The following WWC2 variants were observed in gnomAD, a reference collection of about 807,000 sequenced individuals.
WWC2 encodes the protein protein WWC2.
WWC2 carries 101 observed loss-of-function variants against 138.5 expected under a neutral mutation model. The ratio of observed to expected loss-of-function variants is 0.73; its 90% CI spans 0.62 to 0.86. WWC2 has a LOEUF of 0.86. Among genes scored for constraint, WWC2 ranks in the 40% least tolerant of loss-of-function variants. The probability of loss-of-function intolerance (pLI) is 0.00; values close to 1 mark genes in which losing one functional copy is unlikely to be tolerated. For missense variants in WWC2, 1,420 were observed against 1,419.4 expected, an observed-to-expected ratio of 1.00 and a Z score of -0.01; for synonymous variants, 558 against 538.4, an observed-to-expected ratio of 1.04 and a Z score of -0.50.
chr4:183,246,673 C>T (rs1307960092), intron 6 of WWC2, among the ~76,000 whole-genome samples: 3 of 152,174 alleles, frequency 2.0e-5, no homozygotes, highest in East Asian at 3.8e-4. Context: ...GAAATTTCAG[C>T]ACAGAAAAAT....
In WWC2 at chr4:183,207,959, C is replaced by T. The variant is rs780740914; in HGVS notation, c.248C>T (p.Thr83Met). Residue 83 changes from threonine to methionine, a missense_variant, in exon 3 of 23, where the codon ACG becomes ATG. Physicochemically the swap from Thr to Met is moderately conservative, Grantham distance 81. Coordinates refer to ENST00000403733, the MANE Select transcript of WWC2 (RefSeq NM_024949.6). ...VYYIDHINKT[T>M]QIEDPRKQWR... ...CTCCACCTAATGTTTTCAGAAACCA[C>T]GCAGATAGAAGATCCAAGAAAACAA... 16 of 1,606,896 alleles carry T rather than the reference C, an allele frequency of 1.0e-5. 1 individual carries two copies. In the South Asian group the frequency reaches 1.1e-4, roughly 11 times the overall value.
chr4:183,311,801 TCTC>T (rs1739254467), intron 21 of WWC2, among the ~76,000 whole-genome samples: 2 of 151,938 alleles, frequency 1.3e-5, no homozygotes, highest in African/African-American at 2.4e-5. Flanking sequence ...ATGGTCTCGA[TCTC>T]CTGACCTCGT....
At chr4:183,270,461 A>G (rs186105273) in intron 15 of WWC2, among the ~76,000 whole-genome samples, 4 of 151,972 alleles carry the variant, frequency 2.6e-5, no homozygotes, top group Non-Finnish European at 4.4e-5. Context: ...CCTTTACAGC[A>G]TATTATAAGA....
chr4:183,130,056 CT>C lies in WWC2; in HGVS notation c.131+30450del, dbSNP rs534398108. ...AACACTCTTCTTTATTCCTAAGTATCTTTTTTTTTTTTTTTTGAGACAGTCT... is the reference window on the plus strand; with the variant it reads ...AACACTCTTCTTTATTCCTAAGTATCTTTTTTTTTTTTTTTGAGACAGTCT... On this transcript the variant is annotated intron_variant, in intron 1 of 22. Transcript: ENST00000403733. Among the ~76,000 whole-genome samples, 842 of 139,678 alleles carry C rather than the reference CT, an allele frequency of 6.0e-3. 2 individuals are homozygous for C. The highest frequency in any genetic ancestry group is 0.015 in the African/African-American group (565 of 38,190). 91.6% of individuals were successfully genotyped at this position (139,678 alleles called of 152,430 possible).
In WWC2 at chr4:183,247,777, ATATATATAT is replaced by A. The variant is rs1356119236; in HGVS notation, c.733-927_733-919del. 2.1e-4 allele frequency among the ~76,000 whole-genome samples: 30 copies of A among 141,048 alleles called. No homozygotes were observed. The South Asian group carries it at 4.7e-3, about 22-fold the overall frequency. The allele number at this position is 141,048 out of a possible 152,430, so 92.5% of individuals were successfully genotyped here. A position where few individuals can be genotyped will look rare whatever the true frequency, so the allele number is the denominator to read the frequency against. ...ATAATATATATATAATATATATACT[ATATATATAT>A]TATATATATAGTATATAGTATATAT... On this transcript the variant is annotated intron_variant, in intron 6 of 22. Transcript: ENST00000403733.
Position 183,286,058 on chromosome 4 carries a change from G to A in WWC2, c.3140G>A (p.Arg1047Lys), listed in dbSNP as rs1345831685. Residue 1047 changes from arginine (R) to lysine (K), a missense_variant and splice_region_variant, in exon 20 of 23, where the codon AGG (arginine) becomes AAG (lysine). Arg to Lys is a conservative substitution (Grantham distance 26, BLOSUM62 2). Coordinates refer to ENST00000403733, the MANE Select transcript of WWC2 (RefSeq NM_024949.6). ...GAACGCCGCAGTTTGAGGGTCAAAA[G>A]GGTATGTATTCCCTCAGCCACGTCC... ...STERRSLRVK[R>K]TVCQSVLRRT... is the part of the protein sequence containing the mutation. 4 of 1,570,656 alleles carry A rather than the reference G, an allele frequency of 2.5e-6. No homozygotes were observed. The highest frequency in any genetic ancestry group is 3.5e-6 in the Non-Finnish European group (4 of 1,156,392).
At chr4:183,256,916 G>A (rs534694182) in intron 9 of WWC2, among the ~76,000 whole-genome samples, 59 of 105,806 alleles carry the variant, frequency 5.6e-4, no homozygotes, top group African/African-American at 2.1e-3. Flanking sequence ...CTCTGTTCCT[G>A]CCCCCACAGG....
chr4:183,284,775 G>C (rs913816822), intron 19 of WWC2, among the ~76,000 whole-genome samples: 3 of 152,036 alleles, frequency 2.0e-5, no homozygotes, highest in Non-Finnish European at 4.4e-5. Context: ...TTGTCTTGTT[G>C]AACTGAGAAC....
chr4:183,152,882 C>CA lies in WWC2; in HGVS notation c.132-40708dup, dbSNP rs1370339852. ...TGGGTGACAGAGTGAGACTCTGTCT[C>CA]AAAAAAAAATAAAAAATAAATAAAA... On this transcript the variant is annotated intron_variant, in intron 1 of 22. Transcript: ENST00000403733. Among the ~76,000 whole-genome samples the CA allele has an allele frequency of 3.7e-4, 55 of 148,686 alleles. 1 individual carries two copies. The highest frequency in any genetic ancestry group is 1.7e-3 in the Admixed American group (26 of 14,924).
At chr4:183,313,683 G>A (rs767556905) in intron 22 of WWC2, among the ~76,000 whole-genome samples, 29 of 151,750 alleles carry the variant, frequency 1.9e-4, no homozygotes, top group Non-Finnish European at 3.4e-4. Context: ...CCCAGAAAAT[G>A]TGAGGTGACT....
At chr4:183,286,236 G>A (rs964666554) in intron 20 of WWC2, among the ~76,000 whole-genome samples, 177 bp downstream of exon 20, 1 of 152,120 alleles carries the variant, frequency 6.6e-6, no homozygotes, top group Non-Finnish European at 1.5e-5. Flanking sequence ...GAGATGGGGG[G>A]GTGTGAGGGC....
chr4:183,275,669 A>G (rs181442435), intron 16 of WWC2, among the ~76,000 whole-genome samples: 24 of 152,206 alleles, frequency 1.6e-4, no homozygotes, highest in African/African-American at 5.8e-4. Context: ...GTCATAGTGT[A>G]GATCCTTTGT....
chr4:183,191,394 A>G (rs916646945), intron 1 of WWC2, among the ~76,000 whole-genome samples: 4 of 152,152 alleles, frequency 2.6e-5, no homozygotes, highest in African/African-American at 9.7e-5. Flanking sequence ...CTCATCTAAC[A>G]TATATTGAAG....
At chr4:183,203,427 C>A (rs1197260175) in intron 2 of WWC2, 2 of 151,936 alleles carry the variant, frequency 1.3e-5, no homozygotes, top group Non-Finnish European at 2.9e-5. Context: ...CCTCCTCATC[C>A]CCTTCTAGTA....
At chr4:183,194,184 C>G (rs985468311) in intron 2 of WWC2, among the ~76,000 whole-genome samples, 3 of 152,160 alleles carry the variant, frequency 2.0e-5, no homozygotes, top group Non-Finnish European at 4.4e-5. Flanking sequence ...TAAACCTCTT[C>G]CTTTTTTCTG....
At chr4:183,309,142 C>T (rs562302913) in intron 21 of WWC2, among the ~76,000 whole-genome samples, 1 of 152,146 alleles carries the variant, frequency 6.6e-6, no homozygotes, top group East Asian at 1.9e-4. Context: ...CTAGAAGTTA[C>T]CCTAGGAGAA....
intron 9 of WWC2, among the ~76,000 whole-genome samples, chr4:183,256,219 T>C (rs78406519): frequency 6.2e-4 from 94 of 152,308 alleles, no homozygotes; most frequent in African/African-American, 2.2e-3. Context: ...CATACTTACA[T>C]TGCCATCAAA....
intron 21 of WWC2, among the ~76,000 whole-genome samples, chr4:183,303,709 T>A (rs1319824869): frequency 6.6e-6 from 1 of 152,218 alleles, no homozygotes; most frequent in East Asian, 1.9e-4. Flanking sequence ...CAGGGAAGCT[T>A]TATTCAGTAT....
At chr4:183,280,695 G>A (rs1223733511) in intron 16 of WWC2, 81 bp from the exon 17 acceptor site, 1 of 1,418,644 alleles carries the variant, frequency 7.0e-7, no homozygotes, top group African/African-American at 1.4e-5. Context: ...ACAGATAGAA[G>A]TGTAAATTCC....
Sources: gnomAD v4.1 joint callset for allele counts (sites outside exome capture counted in the v4.1 genomes callset) on GRCh38, gnomAD v4.1.1 for gene constraint, MANE v1.5 for transcripts, NCBI Gene and HGNC (gene_info 2026-07-23, HGNC 2026-07-21) for gene names.